Variants in CCDC171 observed in about 807,000 individuals in gnomAD.
CCDC171 encodes the protein coiled-coil domain-containing protein 171.
In CCDC171, 177 loss-of-function variants were observed where a neutral mutation model predicts 168.2. The observed-to-expected ratio is 1.05, with a 90% CI of 0.93 to 1.19. The LOEUF is 1.19. Among genes scored for constraint, CCDC171 ranks in the 50% most tolerant of loss-of-function variants. The pLI, the probability that CCDC171 is intolerant of heterozygous loss-of-function variation, is 0.00. For synonymous variants in CCDC171, 687 were observed against 540.8 expected (o/e 1.27, Z -3.75); for missense variants, 1,991 against 1,539.0 (o/e 1.29, Z -4.91).
chr9:16,053,308 T>C (rs1455769542), intron 1 of CCDC171, among the ~76,000 whole-genome samples: 1 of 152,208 alleles, frequency 6.6e-6, no homozygotes, highest in Non-Finnish European at 1.5e-5. Context: ...CCAGCACTGT[T>C]GTGATGCAAC....
intron 10 of CCDC171, among the ~76,000 whole-genome samples, chr9:15,685,973 T>C (rs2050366456): frequency 1.3e-5 from 2 of 152,202 alleles, no homozygotes; most frequent in Non-Finnish European, 2.9e-5. Flanking sequence ...TCTTTTTTGC[T>C]CTTTGAAAAA....
At chr9:15,780,735 T>C (rs993043202) in intron 20 of CCDC171, among the ~76,000 whole-genome samples, 2 of 152,224 alleles carry the variant, frequency 1.3e-5, no homozygotes, top group African/African-American at 4.8e-5. Flanking sequence ...TATACATGTA[T>C]GCACTTAAAG....
intron 23 of CCDC171, among the ~76,000 whole-genome samples, chr9:15,854,398 T>C (rs754407061): frequency 2.8e-4 from 42 of 151,640 alleles, no homozygotes; most frequent in Non-Finnish European, 5.3e-4. Context: ...CTCATTTTCT[T>C]ATAATTGTTT....
chr9:15,719,905 T>TAA (rs1414431018), intron 11 of CCDC171, among the ~76,000 whole-genome samples: 1 of 152,132 alleles, frequency 6.6e-6, no homozygotes, highest in African/African-American at 2.4e-5. Flanking sequence ...GAGAGGAGTT[T>TAA]AAAAATATAT....
At position 15,888,695 on chromosome 9, in the gene CCDC171, T is replaced by C. The variant is rs562802942; in HGVS notation, c.3600+14032T>C. 1.7e-4 allele frequency among the ~76,000 whole-genome samples: 26 copies of C among 152,190 alleles called. No individual in the cohort carries two copies. In the South Asian group the frequency reaches 5.4e-3, roughly 32 times the overall value. ...ATGACCCTATAGACTTAAGCATATA[T>C]TGCAACAACTCCGAATGATATAATT... On this transcript the variant is annotated intron_variant, in intron 24 of 25. Transcript: ENST00000380701.
chr9:15,611,754 G>C (rs998725628), intron 6 of CCDC171, among the ~76,000 whole-genome samples: 6 of 152,118 alleles, frequency 3.9e-5, no homozygotes, highest in African/African-American at 1.2e-4. Flanking sequence ...GAGGCAACCC[G>C]AGAGTGTAAA....
intron 13 of CCDC171, among the ~76,000 whole-genome samples, chr9:15,724,410 A>G (rs1564288566): frequency 6.6e-6 from 1 of 152,238 alleles, no homozygotes; most frequent in South Asian, 2.1e-4. Flanking sequence ...GTCATTGGAA[A>G]GTAAATGTTC....
intron 4 of CCDC171, among the ~76,000 whole-genome samples, chr9:15,587,965 G>A (rs772298075): frequency 2.6e-5 from 4 of 152,126 alleles, no homozygotes; most frequent in Non-Finnish European, 4.4e-5. Context: ...GGCCAGGCGC[G>A]GTGGCTCACG....
intron 25 of CCDC171, among the ~76,000 whole-genome samples, chr9:15,958,008 ACT>A (rs1429692151): frequency 6.6e-6 from 1 of 152,148 alleles, no homozygotes; most frequent in Non-Finnish European, 1.5e-5. Flanking sequence ...ATGAAGTTAA[ACT>A]CTGTGAAATA....
At chr9:15,790,217 T>C (rs1180005891) in intron 21 of CCDC171, among the ~76,000 whole-genome samples, 3 of 152,210 alleles carry the variant, frequency 2.0e-5, no homozygotes, top group African/African-American at 7.2e-5. Flanking sequence ...CTCCCACCAA[T>C]GGTGTAAAAG....
intron 21 of CCDC171, among the ~76,000 whole-genome samples, chr9:15,786,090 GTA>G (rs1398631473): frequency 1.3e-5 from 2 of 152,066 alleles, no homozygotes; most frequent in African/African-American, 2.4e-5. Context: ...GTATTTTAGA[GTA>G]TGTTTTTCCA....
chr9:15,593,713 T>A (rs996659591), intron 5 of CCDC171, among the ~76,000 whole-genome samples: 37 of 152,032 alleles, frequency 2.4e-4, no homozygotes, highest in Non-Finnish European at 8.8e-5. Flanking sequence ...ACCTCTGAAG[T>A]TAACATTTTT....
chr9:15,901,234 A>G (rs1821608542), intron 24 of CCDC171, among the ~76,000 whole-genome samples: 1 of 152,190 alleles, frequency 6.6e-6, no homozygotes, highest in Non-Finnish European at 1.5e-5. Flanking sequence ...TTTTTAGAGC[A>G]GTGAGTCTAT....
At chr9:15,606,855 A>G (rs1229777517) in intron 6 of CCDC171, among the ~76,000 whole-genome samples, 3 of 152,188 alleles carry the variant, frequency 2.0e-5, no homozygotes, top group African/African-American at 7.2e-5. Context: ...CTAGTGGAAA[A>G]AAGAAGAACT....
At chr9:15,722,060 C>G (rs1393458060) in intron 12 of CCDC171, among the ~76,000 whole-genome samples, 185 bp downstream of exon 12, 1 of 152,166 alleles carries the variant, frequency 6.6e-6, no homozygotes, top group Non-Finnish European at 1.5e-5. Flanking sequence ...GTCTCACTTA[C>G]GTTTTTGTAA....
chr9:15,672,001 T>C (rs1432438443), intron 9 of CCDC171, among the ~76,000 whole-genome samples: 2 of 152,196 alleles, frequency 1.3e-5, no homozygotes, highest in African/African-American at 2.4e-5. Flanking sequence ...CCACATCCTC[T>C]CCAGCACCTG....
intron 11 of CCDC171, among the ~76,000 whole-genome samples, chr9:15,707,610 T>G (rs1335881986): frequency 6.6e-6 from 1 of 152,194 alleles, no homozygotes; most frequent in East Asian, 1.9e-4. Context: ...TACAGTTATA[T>G]CTCAACTTCA....
chr9:15,660,832 A>T (rs1381313495), intron 8 of CCDC171, among the ~76,000 whole-genome samples: 1 of 152,160 alleles, frequency 6.6e-6, no homozygotes, highest in Non-Finnish European at 1.5e-5. Flanking sequence ...TTTCTTTTGG[A>T]TATATACCCA....
chr9:15,927,726 G>GAA (rs915856691), intron 25 of CCDC171, among the ~76,000 whole-genome samples: 1 of 151,112 alleles, frequency 6.6e-6, no homozygotes, highest in African/African-American at 2.4e-5. Context: ...CAGTTAAGAT[G>GAA]AAAAAAAGGG....
Sources: allele counts gnomAD v4.1 joint callset (sites outside exome capture counted in the v4.1 genomes callset), GRCh38; gene constraint gnomAD v4.1.1; transcripts MANE v1.5; gene names NCBI Gene and HGNC (gene_info 2026-07-23, HGNC 2026-07-21).